The following NCKAP5 variants were observed in gnomAD, a reference collection of about 807,000 sequenced individuals.
The protein encoded by NCKAP5 is nck-associated protein 5.
NCKAP5 carries 92 observed loss-of-function variants against 167.0 expected under a neutral mutation model. That is an observed-to-expected ratio of 0.55 (90% CI 0.47 to 0.66). The LOEUF is 0.66. NCKAP5 is among the 30% of genes least tolerant of loss of function. The pLI is 0.00. For synonymous variants in NCKAP5, 891 were observed against 877.4 expected (o/e 1.02, Z -0.27); for missense variants, 2,378 against 2,315.0 (o/e 1.03, Z -0.56).
intron 3 of NCKAP5, among the ~76,000 whole-genome samples, chr2:133,322,394 G>A (rs1682122126): frequency 6.6e-6 from 1 of 152,198 alleles, no homozygotes; most frequent in Non-Finnish European, 1.5e-5. Context: ...TAGAGAGTGA[G>A]CTTGTGGAAA....
At chr2:132,748,009 A>G (rs1679793374) in intron 16 of NCKAP5, among the ~76,000 whole-genome samples, 1 of 152,206 alleles carries the variant, frequency 6.6e-6, no homozygotes, top group Non-Finnish European at 1.5e-5. Flanking sequence ...AACATGTTAA[A>G]TGGTGAAGAA....
intron 2 of NCKAP5, among the ~76,000 whole-genome samples, chr2:133,544,612 G>A (rs1686506647): frequency 6.6e-6 from 1 of 152,042 alleles, no homozygotes; most frequent in Admixed American, 6.5e-5. Context: ...CCTGTTGATG[G>A]GCACTTCACT....
chr2:133,550,549 C>T (rs532755468), intron 2 of NCKAP5, among the ~76,000 whole-genome samples: 1 of 130,388 alleles, frequency 7.7e-6, no homozygotes, highest in Non-Finnish European at 1.6e-5. Context: ...ATTCAACAAC[C>T]CTTCATGCTA....
At chr2:133,365,981 C>G (rs1376226234) in intron 3 of NCKAP5, among the ~76,000 whole-genome samples, 1 of 152,160 alleles carries the variant, frequency 6.6e-6, no homozygotes, top group African/African-American at 2.4e-5. Flanking sequence ...ATGCCTTATT[C>G]AACAATATGC....
At chr2:133,637,518 A>C in the NCKAP5 span, among the ~76,000 whole-genome samples, 1 of 150,100 alleles carries the variant, frequency 6.7e-6, no homozygotes, top group African/African-American at 2.4e-5. Context: ...AAATATAAAG[A>C]AGCAATCTTG....
intron 5 of NCKAP5, among the ~76,000 whole-genome samples, chr2:133,173,329 T>C (rs138622718): frequency 6.6e-5 from 10 of 152,320 alleles, no homozygotes; most frequent in African/African-American, 2.2e-4. Flanking sequence ...GCATCATTCA[T>C]ATAGACAAAA....
At chr2:132,968,994 G>A (rs774657664) in intron 7 of NCKAP5, among the ~76,000 whole-genome samples, 7 of 152,184 alleles carry the variant, frequency 4.6e-5, no homozygotes, top group Non-Finnish European at 1.0e-4. Flanking sequence ...TGATAGAGGA[G>A]CCAAGGTTTG....
intron 3 of NCKAP5, among the ~76,000 whole-genome samples, chr2:133,503,490 T>C (rs997609956): frequency 3.3e-5 from 5 of 152,184 alleles, no homozygotes; most frequent in African/African-American, 1.2e-4. Flanking sequence ...TTTTATGACA[T>C]GGAGAGCTAT....
intron 16 of NCKAP5, among the ~76,000 whole-genome samples, chr2:132,766,301 AAAAAG>A: frequency 6.6e-6 from 1 of 151,174 alleles, no homozygotes; most frequent in East Asian, 1.9e-4. Context: ...AAAAAAAAAA[AAAAAG>A]AGAAAATCAT....
intron 5 of NCKAP5, among the ~76,000 whole-genome samples, chr2:133,203,750 A>T (rs1170890303): frequency 6.6e-6 from 1 of 152,144 alleles, no homozygotes; most frequent in East Asian, 1.9e-4. Flanking sequence ...GCTATACAAA[A>T]AGAATACGAT....
At chr2:133,336,574 T>C (rs957699326) in intron 3 of NCKAP5, among the ~76,000 whole-genome samples, 2 of 152,180 alleles carry the variant, frequency 1.3e-5, no homozygotes, top group Non-Finnish European at 2.9e-5. Context: ...AGGTTGAAGT[T>C]GCATTTAGAA....
At chr2:133,618,908 A>C in the NCKAP5 span, among the ~76,000 whole-genome samples, 1 of 146,224 alleles carries the variant, frequency 6.8e-6, no homozygotes, top group Non-Finnish European at 1.5e-5. Context: ...ACCAACCCAA[A>C]TGTCCAACAA....
At chr2:132,698,032 G>T (rs1402609074) in intron 19 of NCKAP5, among the ~76,000 whole-genome samples, 1 of 152,128 alleles carries the variant, frequency 6.6e-6, no homozygotes, top group African/African-American at 2.4e-5. Flanking sequence ...CACATTGCAG[G>T]AACTCACTGC....
intron 5 of NCKAP5, among the ~76,000 whole-genome samples, chr2:133,145,114 T>G (rs1434230): frequency 0.18 from 27,584 of 151,982 alleles, 2,724 homozygotes; most frequent in Non-Finnish European, 0.22. Flanking sequence ...TGAAATAAAA[T>G]TTTAATTTTA....
intron 8 of NCKAP5, among the ~76,000 whole-genome samples, chr2:132,897,735 T>C (rs918774310): frequency 1.3e-5 from 2 of 152,222 alleles, no homozygotes; most frequent in African/African-American, 4.8e-5. Flanking sequence ...GTTATGTTTA[T>C]ATTACACTAC....
chr2:133,004,892 A>G lies in NCKAP5; in HGVS notation c.342-10653T>C, dbSNP rs927696286. Among the ~76,000 whole-genome samples, 57 of 152,194 alleles carry G rather than the reference A, an allele frequency of 3.7e-4. 5 individuals are homozygous for G. ...CCCCCTGGGAATGCATTCCTTTCTC[A>G]GGGTTATTCCTTGCTGGGAAAATAA... On this transcript the variant is annotated intron_variant, in intron 6 of 19. Transcript: ENST00000409261.
chr2:133,123,548 C>T (rs1200269365), intron 6 of NCKAP5: 1 of 251,638 alleles, frequency 4.0e-6, no homozygotes, highest in African/African-American at 2.2e-5. Context: ...TGAGAGGCCC[C>T]AATTTTTATG....
intron 8 of NCKAP5, among the ~76,000 whole-genome samples, chr2:132,897,141 T>C (rs1693269783): frequency 6.6e-6 from 1 of 152,212 alleles, no homozygotes; most frequent in African/African-American, 2.4e-5. Flanking sequence ...TTGTGAAATA[T>C]ATGGTGCTCA....
At chr2:132,863,931 C>T (rs1164839223) in intron 10 of NCKAP5, among the ~76,000 whole-genome samples, 1 of 152,108 alleles carries the variant, frequency 6.6e-6, no homozygotes, top group Non-Finnish European at 1.5e-5. Flanking sequence ...TATTGTAGTA[C>T]CTGGATGGAG....
Sources: gnomAD v4.1 joint callset for allele counts (sites outside exome capture counted in the v4.1 genomes callset) on GRCh38, gnomAD v4.1.1 for gene constraint, MANE v1.5 for transcripts, NCBI Gene and HGNC (gene_info 2026-07-23, HGNC 2026-07-21) for gene names.